Variants in BRWD3 observed in about 807,000 individuals in gnomAD.
The protein encoded by BRWD3 is bromodomain and WD repeat domain containing 3, also known as bromodomain and WD repeat-containing protein 3.
Under a neutral mutation model 149.7 loss-of-function variants are expected in BRWD3, and 10 were observed. That is an observed-to-expected ratio of 0.07 (90% confidence interval 0.04 to 0.11). BRWD3 has a LOEUF of 0.11. Among genes scored for constraint, BRWD3 ranks in the 10% least tolerant of loss-of-function variants. The pLI is 1.00. For synonymous variants in BRWD3, 504 were observed against 456.7 expected (o/e 1.10, Z -1.32); for missense variants, 940 against 1,373.2 (o/e 0.68, Z 4.99).
intron 6 of BRWD3, 45 bp downstream of exon 6, chrX:80,791,809 G>T: frequency 1.0e-6 from 1 of 1,000,087 alleles, no homozygotes; most frequent in Non-Finnish European, 1.4e-6. Flanking sequence ...GTTCAGGAAG[G>T]AAAGAATCAA....
intron 4 of BRWD3, among the ~76,000 whole-genome samples, chrX:80,801,133 A>G (rs1446915236): frequency 9.1e-6 from 1 of 109,997 alleles, no homozygotes; most frequent in Non-Finnish European, 1.9e-5. Flanking sequence ...GCTTCTAAAA[A>G]AAGTTAAGAA....
rs2147743256 is a variant in BRWD3, at chrX:80,716,210, T to C, written c.2272A>G (p.Ile758Val). The change falls in exon 20 of 41, where the codon ATC becomes GTC. Residue 758 changes from isoleucine to valine, a missense_variant. By Grantham distance (29) the Ile-to-Val change is conservative. Coordinates refer to ENST00000373275, the MANE Select transcript of BRWD3 (RefSeq NM_153252.5). Reference protein sequence around the residue: ...ECRTAKGDIEISLYTVEKKKK... With the variant: ...ECRTAKGDIEVSLYTVEKKKK... ...TTCTTTTCAACTGTATAAAGACTGA[T>C]TTCTATGTCACCTTTTGCAGTTCGA... is the stretch of plus-strand genomic sequence containing the variant. 1 of 1,210,485 alleles carries C rather than the reference T, an allele frequency of 8.3e-7. No homozygotes were observed. The highest frequency in any genetic ancestry group is 3.0e-5 in the East Asian group (1 of 33,773).
intron 4 of BRWD3, among the ~76,000 whole-genome samples, chrX:80,806,349 T>C (rs2074348098): frequency 9.0e-6 from 1 of 111,432 alleles, no homozygotes; most frequent in Non-Finnish European, 1.9e-5. Context: ...GCCTCACTAG[T>C]AATGAAAAAA....
chrX:80,797,099 C>A (rs953429264), intron 4 of BRWD3, among the ~76,000 whole-genome samples: 2 of 112,095 alleles, frequency 1.8e-5, no homozygotes, highest in Admixed American at 1.9e-4. Context: ...TCATACCCTG[C>A]ACATTCAGGC....
chrX:80,717,938 G>GCACT (rs1230308589), intron 18 of BRWD3, among the ~76,000 whole-genome samples, 179 bp from the exon 19 acceptor site: 1 of 111,165 alleles, frequency 9.0e-6, no homozygotes, highest in Non-Finnish European at 1.9e-5. Flanking sequence ...AATAAAGCAG[G>GCACT]CACTCTTATT....
At chrX:80,684,258 T>G in intron 36 of BRWD3, 96 bp from the exon 37 acceptor site, 1 of 793,284 alleles carries the variant, frequency 1.3e-6, no homozygotes, top group Non-Finnish European at 1.8e-6. Flanking sequence ...CACCATGAAA[T>G]AAACACATTG....
intron 12 of BRWD3, 80 bp downstream of exon 12, chrX:80,733,376 C>G (rs2073360817): frequency 1.3e-6 from 1 of 784,927 alleles, no homozygotes; most frequent in African/African-American, 2.1e-5. Context: ...AGGTATCTAT[C>G]ATAGAAGTAG....
At chrX:80,710,054 G>T (rs1355421694) in intron 20 of BRWD3, 2 of 1,064,802 alleles carry the variant, frequency 1.9e-6, no homozygotes, top group Non-Finnish European at 2.6e-6. Context: ...TGCAGTATTG[G>T]TTGCATTGAA....
At chrX:80,708,641 C>A (rs1160190997) in intron 21 of BRWD3, among the ~76,000 whole-genome samples, 3 of 111,131 alleles carry the variant, frequency 2.7e-5, no homozygotes, top group African/African-American at 9.8e-5. Flanking sequence ...CAGGGTGAAA[C>A]CCTGGCTCTA....
intron 20 of BRWD3, among the ~76,000 whole-genome samples, chrX:80,714,715 C>CA (rs1031509509): frequency 1.5e-4 from 17 of 112,090 alleles, no homozygotes; most frequent in African/African-American, 5.2e-4. Context: ...TAAATCTCTT[C>CA]AAATATTTTA....
chrX:80,684,968 A>G (rs1198440737), intron 36 of BRWD3, among the ~76,000 whole-genome samples: 1 of 111,692 alleles, frequency 9.0e-6, no homozygotes, highest in African/African-American at 3.2e-5. Flanking sequence ...GATAAATGGT[A>G]TTATAAAAAG....
At chrX:80,699,427 A>G (rs1486248491) in intron 25 of BRWD3, among the ~76,000 whole-genome samples, 5 of 110,909 alleles carry the variant, frequency 4.5e-5, no homozygotes, top group Non-Finnish European at 9.4e-5. Context: ...ATGTGTGCAT[A>G]TATATATACA....
intron 8 of BRWD3, among the ~76,000 whole-genome samples, chrX:80,743,357 C>CT (rs897122484): frequency 9.0e-6 from 1 of 111,501 alleles, no homozygotes; most frequent in African/African-American, 3.3e-5. Flanking sequence ...CTAAAATTCT[C>CT]TTTTTTTGTT....
chrX:80,710,120 C>T (rs1232196515), intron 20 of BRWD3: 1 of 589,901 alleles, frequency 1.7e-6, no homozygotes, highest in East Asian at 3.4e-5. Flanking sequence ...TATTGACAAA[C>T]ATATTGGTAT....
At position 80,675,105 on chromosome X, in the gene BRWD3, T is replaced by G. The variant is rs1180780719; in HGVS notation, c.*1504A>C. On this transcript the variant is annotated 3_prime_UTR_variant, in exon 41 of 41. Coordinates refer to ENST00000373275, the MANE Select transcript of BRWD3 (RefSeq NM_153252.5). ...ATCTAACAAATGAACAAATCTGTAA[T>G]ATTAAATTTGGGGAGTAAAACTGAC... The G allele has an allele frequency of 9.0e-6, 1 of 111,671 alleles. No individual in the cohort carries two copies. Among genetic ancestry groups the G allele is most frequent in the Non-Finnish European group, 1.9e-5 (1 of 53,026 alleles). 9.2% of individuals were successfully genotyped at this position (111,671 alleles called of 1,213,427 possible). A position where few individuals can be genotyped will look rare whatever the true frequency, so the allele number is the denominator to read the frequency against.
chrX:80,776,555 T>C (rs1274840968), intron 6 of BRWD3, among the ~76,000 whole-genome samples: 1 of 111,620 alleles, frequency 9.0e-6, no homozygotes, highest in East Asian at 2.8e-4. Flanking sequence ...GAATATCAGC[T>C]AGGACTGAAA....
intron 5 of BRWD3, 98 bp from the exon 6 acceptor site, chrX:80,792,050 T>C (rs1027612666): frequency 9.2e-5 from 51 of 556,986 alleles, no homozygotes; most frequent in Non-Finnish European, 1.4e-4. Context: ...TTTGTTGGAA[T>C]ACATTTTTAA....
rs2072351618 is a variant in BRWD3 at position 80,675,074 on chromosome X, G to GT, written c.*1534dup. ...CTATTATCCCTCTTACCTCAGAAAT[G>GT]TAAGTATCTAACAAATGAACAAATC... On this transcript the variant is annotated 3_prime_UTR_variant, in exon 41 of 41. Transcript: ENST00000373275. 8.9e-6 allele frequency: 1 copy of GT among 111,768 alleles called. No individual in the cohort carries two copies. The highest frequency in any genetic ancestry group is 1.9e-5 in the Non-Finnish European group (1 of 53,062). The allele number at this position is 111,768 out of a possible 1,213,427, so 9.2% of individuals were successfully genotyped here.
intron 4 of BRWD3, among the ~76,000 whole-genome samples, chrX:80,795,808 G>A (rs1332228440): frequency 9.0e-6 from 1 of 110,625 alleles, no homozygotes; most frequent in East Asian, 2.8e-4. Context: ...TGGCACGCCT[G>A]TAGTCCCAGC....
Sources: gnomAD v4.1 joint callset for allele counts (sites outside exome capture counted in the v4.1 genomes callset) on GRCh38, gnomAD v4.1.1 for gene constraint, MANE v1.5 for transcripts, NCBI Gene and HGNC (gene_info 2026-07-23, HGNC 2026-07-21) for gene names.